ZNF704: variants seen among roughly 807,000 people sequenced by gnomAD.
ZNF704 encodes zinc finger protein 704.
Under a neutral mutation model 44.7 loss-of-function variants are expected in ZNF704, and 10 were observed. The ratio of observed to expected loss-of-function variants is 0.22; its 90% CI spans 0.14 to 0.38. ZNF704 has a LOEUF of 0.38. ZNF704 is among the 10% of genes least tolerant of loss of function. ZNF704 has a pLI of 1.00. For synonymous variants in ZNF704, 211 were observed against 207.6 expected (o/e 1.02, Z -0.14); for missense variants, 390 against 545.5 (o/e 0.71, Z 2.84).
chr8:80,677,265 T>G (rs1020993953), intron 4 of ZNF704, among the ~76,000 whole-genome samples: 1 of 152,260 alleles, frequency 6.6e-6, no homozygotes, highest in African/African-American at 2.4e-5. Context: ...GGTATTTTTG[T>G]GCCATAACAA....
At chr8:80,648,610 T>C (rs1013859326) in intron 7 of ZNF704, among the ~76,000 whole-genome samples, 4 of 152,196 alleles carry the variant, frequency 2.6e-5, no homozygotes, top group African/African-American at 7.2e-5. Flanking sequence ...ATCTTACAGA[T>C]AGAGAAATTT....
intron 2 of ZNF704, among the ~76,000 whole-genome samples, chr8:80,697,077 G>A (rs1395412202): frequency 6.6e-6 from 1 of 152,166 alleles, no homozygotes; most frequent in African/African-American, 2.4e-5. Flanking sequence ...TTCTGTGGAT[G>A]AACAGGATTT....
At chr8:80,653,588 C>T (rs543490017) in intron 7 of ZNF704, among the ~76,000 whole-genome samples, 38 of 152,104 alleles carry the variant, frequency 2.5e-4, no homozygotes, top group African/African-American at 9.2e-4. Flanking sequence ...CTCCCATTCA[C>T]AATTGCTTCA....
intron 1 of ZNF704, among the ~76,000 whole-genome samples, chr8:80,833,359 G>A (rs1486111109): frequency 2.6e-5 from 4 of 152,004 alleles, no homozygotes; most frequent in Non-Finnish European, 2.9e-5. Context: ...AAAAAAAAGA[G>A]AAAAAAATTA....
At chr8:80,693,140 C>T (rs1470315595) in intron 2 of ZNF704, 33 bp from the exon 3 acceptor site, 1 of 1,570,080 alleles carries the variant, frequency 6.4e-7, no homozygotes, top group African/African-American at 1.4e-5. Flanking sequence ...GGTGACTGTT[C>T]ACTCTGCATC....
upstream of ZNF704, among the ~76,000 whole-genome samples, chr8:80,876,675 A>G (rs539591736): frequency 3.9e-5 from 6 of 152,306 alleles, no homozygotes; most frequent in South Asian, 1.0e-3. Flanking sequence ...GGATCATAGT[A>G]GTAAAGTTGT....
At chr8:80,842,864 T>C (rs1808704791) in intron 1 of ZNF704, among the ~76,000 whole-genome samples, 1 of 152,190 alleles carries the variant, frequency 6.6e-6, no homozygotes, top group East Asian at 1.9e-4. Context: ...TTATTCTATG[T>C]CCCTGAGCTT....
chr8:80,687,670 T>C (rs571491680), intron 3 of ZNF704, among the ~76,000 whole-genome samples: 49 of 152,314 alleles, frequency 3.2e-4, no homozygotes, highest in African/African-American at 1.1e-3. Flanking sequence ...TTTAACCTCA[T>C]GATAATAGGT....
chr8:80,874,998 GC>G (rs1809337739), upstream of ZNF704, among the ~76,000 whole-genome samples: 1 of 152,194 alleles, frequency 6.6e-6, no homozygotes, highest in East Asian at 1.9e-4. The surrounding 1 kb of genome is among the most constrained non-coding windows in gnomAD (Gnocchi z 4.4). Flanking sequence ...TACCTTGAGT[GC>G]CTGATTTTAA....
At chr8:80,727,223 C>T (rs949506705) in intron 2 of ZNF704, among the ~76,000 whole-genome samples, 3 of 152,112 alleles carry the variant, frequency 2.0e-5, no homozygotes, top group Non-Finnish European at 4.4e-5. Flanking sequence ...TGTGGGAAAT[C>T]GCACACATTT....
intron 1 of ZNF704, among the ~76,000 whole-genome samples, chr8:80,832,149 C>T (rs533666822): frequency 6.6e-6 from 1 of 152,196 alleles, no homozygotes; most frequent in East Asian, 1.9e-4. Context: ...CAATGAACAG[C>T]TTTTGTTTTC....
chr8:80,869,317 T>C (rs1341952229), intron 1 of ZNF704, among the ~76,000 whole-genome samples: 1 of 152,232 alleles, frequency 6.6e-6, no homozygotes, highest in Non-Finnish European at 1.5e-5. Context: ...GCGTCCTTGA[T>C]ACTGTCTGGC....
intron 2 of ZNF704, among the ~76,000 whole-genome samples, chr8:80,759,427 C>G (rs1807091597): frequency 6.6e-6 from 1 of 152,062 alleles, no homozygotes; most frequent in South Asian, 2.1e-4. Context: ...CAGTTCATAC[C>G]CTTTTTAATA....
chr8:80,783,631 A>G (rs1430798407), intron 2 of ZNF704, among the ~76,000 whole-genome samples: 1 of 152,176 alleles, frequency 6.6e-6, no homozygotes, highest in African/African-American at 2.4e-5. Flanking sequence ...AGAAAAATTG[A>G]GAGGAAAGTA....
At chr8:80,768,829 G>T (rs1427162764) in intron 2 of ZNF704, among the ~76,000 whole-genome samples, 2 of 152,128 alleles carry the variant, frequency 1.3e-5, no homozygotes, top group African/African-American at 4.8e-5. Flanking sequence ...ATCAGCAAAT[G>T]ATACAAATGA....
intron 3 of ZNF704, among the ~76,000 whole-genome samples, chr8:80,689,445 C>CT (rs1430515232): frequency 2.1e-4 from 32 of 152,322 alleles, no homozygotes; most frequent in African/African-American, 7.7e-4. Context: ...ATCTCACTCC[C>CT]TGCAGTCTAC....
chr8:80,740,142 C>A (rs566808447), intron 2 of ZNF704, among the ~76,000 whole-genome samples: 6 of 152,314 alleles, frequency 3.9e-5, no homozygotes, highest in African/African-American at 1.2e-4. Context: ...CTTCTCCCAG[C>A]CACTAAGCTG....
chr8:80,732,408 T>A (rs1806596392), intron 2 of ZNF704, among the ~76,000 whole-genome samples: 7 of 152,234 alleles, frequency 4.6e-5, no homozygotes, highest in Admixed American at 3.9e-4. Flanking sequence ...GAAGCAACAG[T>A]GTGCCACTTT....
At chr8:80,884,154 C>T in the ZNF704 span, among the ~76,000 whole-genome samples, 1 of 152,176 alleles carries the variant, frequency 6.6e-6, no homozygotes, top group African/African-American at 2.4e-5. Context: ...TTCCTCGGTA[C>T]TTACCATACT....
Sources: gnomAD v4.1 joint callset for allele counts (sites outside exome capture counted in the v4.1 genomes callset) on GRCh38, gnomAD v4.1.1 for gene constraint, Gnocchi (gnomAD v3.1) non-coding constraint, MANE v1.5 for transcripts, NCBI Gene and HGNC (gene_info 2026-07-23, HGNC 2026-07-21) for gene names.